Variants in PROS1 observed in about 807,000 individuals in gnomAD.
The protein encoded by PROS1 is protein S.
Under a neutral mutation model 75.9 loss-of-function variants are expected in PROS1, and 29 were observed. That is an observed-to-expected ratio of 0.38 (90% CI 0.28 to 0.52). The LOEUF (loss-of-function observed/expected upper bound fraction) is 0.52, where lower values mean the gene tolerates loss of function less well. PROS1 is among the 20% of genes least tolerant of loss of function. The pLI, the probability that PROS1 is intolerant of heterozygous loss-of-function variation, is 0.83. For synonymous variants in PROS1, 245 were observed against 280.6 expected, an observed-to-expected ratio of 0.87 and a Z score of 1.27; for missense variants, 680 against 810.3, an observed-to-expected ratio of 0.84 and a Z score of 1.95.
intron 7 of PROS1, among the ~76,000 whole-genome samples, chr3:93,900,093 C>T (rs1044824217): frequency 6.6e-6 from 1 of 151,858 alleles, no homozygotes; most frequent in Non-Finnish European, 1.5e-5. Context: ...TTTAAAAAAT[C>T]GAAAGGAAGG....
intron 1 of PROS1, among the ~76,000 whole-genome samples, chr3:93,955,794 G>T (rs1559950910): frequency 6.6e-6 from 1 of 151,574 alleles, no homozygotes; most frequent in African/African-American, 2.4e-5. Flanking sequence ...TTGGAGTATT[G>T]AACAGTTCAG....
intron 1 of PROS1, among the ~76,000 whole-genome samples, chr3:93,972,773 C>T (rs1238715346): frequency 6.6e-6 from 1 of 151,950 alleles, no homozygotes; most frequent in African/African-American, 2.4e-5. Context: ...CACTTGAAGC[C>T]GGGGGGCGGA....
intron 1 of PROS1, among the ~76,000 whole-genome samples, chr3:93,937,683 C>A (rs1386902653): frequency 6.6e-6 from 1 of 152,054 alleles, no homozygotes; most frequent in Non-Finnish European, 1.5e-5. Flanking sequence ...GATTTTTAAC[C>A]ACTAGGTTTA....
chr3:93,888,411 T>A (rs566657414), intron 10 of PROS1, among the ~76,000 whole-genome samples: 2 of 152,222 alleles, frequency 1.3e-5, no homozygotes, highest in Admixed American at 1.3e-4. Flanking sequence ...TAAATTACTT[T>A]CCTTTTATTT....
chr3:93,939,576 C>A (rs532314894), intron 1 of PROS1, among the ~76,000 whole-genome samples: 1 of 152,278 alleles, frequency 6.6e-6, no homozygotes, highest in East Asian at 1.9e-4. Context: ...AGCCCTCCCC[C>A]ACCTGCCCAA....
At position 93,957,784 on chromosome 3, in the gene PROS1, C is replaced by T. The variant is rs1189280294; in HGVS notation, c.76+15890G>A. Among the ~76,000 whole-genome samples, 9 of 152,204 alleles carry T rather than the reference C, an allele frequency of 5.9e-5. No individual in the cohort carries two copies. The East Asian group carries it at 1.2e-3, about 20-fold the overall frequency. ...GTATTAGGCCATTCTCACATTGCTA[C>T]GAAGAAATACCTAAGACTGGGCAAT... On this transcript the variant is annotated intron_variant, in intron 1 of 14. Transcript: ENST00000394236.
At chr3:93,957,559 T>A (rs1709623713) in intron 1 of PROS1, among the ~76,000 whole-genome samples, 1 of 152,224 alleles carries the variant, frequency 6.6e-6, no homozygotes, top group African/African-American at 2.4e-5. Flanking sequence ...GAGGACTTCA[T>A]ATGTTCTCAA....
chr3:93,965,294 C>G (rs752062679), intron 1 of PROS1, among the ~76,000 whole-genome samples: 5 of 152,200 alleles, frequency 3.3e-5, no homozygotes, highest in African/African-American at 1.2e-4. Context: ...TGTTTGCCGC[C>G]GTCGCAGACC....
intron 1 of PROS1, among the ~76,000 whole-genome samples, chr3:93,944,432 G>T (rs1709346434): frequency 6.6e-6 from 1 of 152,150 alleles, no homozygotes; most frequent in Admixed American, 6.5e-5. Context: ...AAATCTAAAA[G>T]AACAGAAATT....
At chr3:93,935,542 ATAATTCTCC>A (rs1709169747) in intron 1 of PROS1, among the ~76,000 whole-genome samples, 1 of 152,174 alleles carries the variant, frequency 6.6e-6, no homozygotes. Flanking sequence ...CAACAGTAAA[ATAATTCTCC>A]TAATTTTGCA....
intron 6 of PROS1, among the ~76,000 whole-genome samples, chr3:93,905,426 C>A (rs1343890680): frequency 6.6e-6 from 1 of 152,094 alleles, no homozygotes; most frequent in Non-Finnish European, 1.5e-5. Flanking sequence ...ACATGATTAA[C>A]CCCATCTCTA....
At chr3:93,956,482 C>T (rs1244028360) in intron 1 of PROS1, among the ~76,000 whole-genome samples, 1 of 151,038 alleles carries the variant, frequency 6.6e-6, no homozygotes, top group Non-Finnish European at 1.5e-5. Flanking sequence ...GGGCAACAGA[C>T]TGATTCTCTC....
chr3:93,883,379 C>T (rs1708300134), intron 12 of PROS1, among the ~76,000 whole-genome samples: 2 of 151,970 alleles, frequency 1.3e-5, no homozygotes, highest in African/African-American at 4.8e-5. Context: ...GCAAGCAGAT[C>T]ACCTGAAGTC....
At chr3:93,918,766 G>A (rs775314447) in intron 3 of PROS1, among the ~76,000 whole-genome samples, 2 of 151,966 alleles carry the variant, frequency 1.3e-5, no homozygotes, top group Non-Finnish European at 1.5e-5. Flanking sequence ...GGCTGGTCTC[G>A]AACTCCTAAC....
intron 13 of PROS1, among the ~76,000 whole-genome samples, chr3:93,878,236 C>T (rs765018546): frequency 6.6e-6 from 1 of 152,080 alleles, no homozygotes; most frequent in Admixed American, 6.6e-5. Flanking sequence ...AAACAAAAAA[C>T]CCCTGAAATC....
intron 12 of PROS1, among the ~76,000 whole-genome samples, chr3:93,881,688 T>C (rs1275991545): frequency 6.6e-6 from 1 of 151,522 alleles, no homozygotes; most frequent in Non-Finnish European, 1.5e-5. Flanking sequence ...GCCTCCTGAG[T>C]AGCTGGGACT....
intron 1 of PROS1, among the ~76,000 whole-genome samples, chr3:93,956,013 T>A (rs1282013899): frequency 6.6e-6 from 1 of 152,134 alleles, no homozygotes; most frequent in Non-Finnish European, 1.5e-5. Flanking sequence ...ATTCCCATGG[T>A]TTTGCTTTAA....
intron 1 of PROS1, 31 bp downstream of exon 1, chr3:93,973,643 G>A (rs368069425): frequency 1.0e-5 from 16 of 1,606,606 alleles, no homozygotes; most frequent in Non-Finnish European, 1.2e-5. Flanking sequence ...CAATGCTGGG[G>A]AAGGGAGAAG....
chr3:93,930,432 T>C lies in PROS1; in HGVS notation c.77-3025A>G, dbSNP rs114850882. Among the ~76,000 whole-genome samples, 642 of 152,330 alleles carry C rather than the reference T, an allele frequency of 4.2e-3. 7 individuals carry two copies. The highest frequency in any genetic ancestry group is 0.014 in the African/African-American group (576 of 41,582). On this transcript the variant is annotated intron_variant, in intron 1 of 14. Transcript: ENST00000394236. ...TCTGGGGAAAACAATAACACTTTCA[T>C]TGAAGGGTGAATACACTGATTCAAT... is the stretch of plus-strand genomic sequence containing the variant.
Sources: allele counts gnomAD v4.1 joint callset (sites outside exome capture counted in the v4.1 genomes callset), GRCh38; gene constraint gnomAD v4.1.1; transcripts MANE v1.5; gene names NCBI Gene and HGNC (gene_info 2026-07-23, HGNC 2026-07-21).